Variants in CNTNAP5 observed in about 807,000 individuals in gnomAD.
CNTNAP5 encodes the protein contactin-associated protein-like 5.
In CNTNAP5, 72 loss-of-function variants were observed where a neutral mutation model predicts 150.2. That is an observed-to-expected ratio of 0.48 (90% confidence interval 0.40 to 0.58). CNTNAP5 has a LOEUF of 0.58. Among genes scored for constraint, CNTNAP5 ranks in the 20% least tolerant of loss-of-function variants. The pLI is 0.00. For missense variants in CNTNAP5, 1,636 were observed against 1,626.2 expected (o/e 1.01, Z -0.10); for synonymous variants, 672 against 619.8 (o/e 1.08, Z -1.25).
chr2:124,462,986 A>G (rs1036623799), intron 6 of CNTNAP5, among the ~76,000 whole-genome samples: 1 of 152,164 alleles, frequency 6.6e-6, no homozygotes, highest in Admixed American at 6.5e-5. Context: ...GAGGCAGGAA[A>G]CTGGGTGTTG....
intron 13 of CNTNAP5, among the ~76,000 whole-genome samples, chr2:124,729,459 A>T (rs1021717151): frequency 3.7e-4 from 57 of 152,184 alleles, no homozygotes; most frequent in African/African-American, 1.3e-3. Context: ...AATTTTTCTG[A>T]CTAGGTAAAA....
intron 1 of CNTNAP5, among the ~76,000 whole-genome samples, chr2:124,220,160 A>G (rs370857761): frequency 6.6e-6 from 1 of 152,020 alleles, no homozygotes; most frequent in Admixed American, 6.6e-5. Flanking sequence ...AAAAAAATAA[A>G]TCAAACCAAT....
chr2:124,128,300 C>T (rs1683762609), intron 1 of CNTNAP5, among the ~76,000 whole-genome samples: 1 of 152,212 alleles, frequency 6.6e-6, no homozygotes, highest in East Asian at 1.9e-4. Flanking sequence ...AGCCAACAGA[C>T]ACACGAAAAA....
At chr2:124,574,831 A>G (rs1696241469) in intron 11 of CNTNAP5, among the ~76,000 whole-genome samples, 1 of 152,236 alleles carries the variant, frequency 6.6e-6, no homozygotes. Flanking sequence ...TTCAGAGACA[A>G]AAGTCAGAAT....
chr2:124,829,224 G>A (rs943637200), intron 19 of CNTNAP5, among the ~76,000 whole-genome samples: 3 of 152,122 alleles, frequency 2.0e-5, no homozygotes, highest in Non-Finnish European at 2.9e-5. Context: ...ATGCTGGCAA[G>A]CTGAAAAGGG....
chr2:124,554,628 T>C (rs1438578803), intron 10 of CNTNAP5, among the ~76,000 whole-genome samples: 1 of 151,970 alleles, frequency 6.6e-6, no homozygotes, highest in Non-Finnish European at 1.5e-5. Flanking sequence ...CCATGTGTTG[T>C]CCAGACTTAT....
chr2:124,472,196 T>C (rs1693533722), intron 6 of CNTNAP5, among the ~76,000 whole-genome samples: 1 of 152,084 alleles, frequency 6.6e-6, no homozygotes, highest in African/African-American at 2.4e-5. Flanking sequence ...AGTAATATAA[T>C]TCAGCTCATC....
At chr2:124,084,026 A>G (rs1448031834) in intron 1 of CNTNAP5, among the ~76,000 whole-genome samples, 3 of 135,260 alleles carry the variant, frequency 2.2e-5, no homozygotes, top group Non-Finnish European at 4.7e-5. Context: ...GACACTGTGT[A>G]TCTGTCCATT....
At chr2:124,523,963 T>A (rs1178114907) in intron 8 of CNTNAP5, among the ~76,000 whole-genome samples, 1 of 81,246 alleles carries the variant, frequency 1.2e-5, no homozygotes, top group Non-Finnish European at 3.3e-5. Flanking sequence ...TTTATTTTTG[T>A]TTTTTTTTTT....
chr2:124,610,180 G>C (rs1677349774), intron 12 of CNTNAP5, among the ~76,000 whole-genome samples: 1 of 152,092 alleles, frequency 6.6e-6, no homozygotes. Flanking sequence ...GTTTTCTTTA[G>C]GGCCTCCAAG....
intron 3 of CNTNAP5, among the ~76,000 whole-genome samples, chr2:124,358,432 C>T (rs193258849): frequency 2.5e-3 from 381 of 152,268 alleles, no homozygotes; most frequent in African/African-American, 8.9e-3. Flanking sequence ...ATGATGTTGG[C>T]TGTGGGTGTG....
At chr2:124,873,904 A>T (rs1343781716) in intron 21 of CNTNAP5, among the ~76,000 whole-genome samples, 1 of 152,124 alleles carries the variant, frequency 6.6e-6, no homozygotes, top group Non-Finnish European at 1.5e-5. Flanking sequence ...GCAAAGCAAA[A>T]GCAAGTTTGT....
chr2:124,741,860 T>C (rs1353508491), intron 13 of CNTNAP5, among the ~76,000 whole-genome samples: 1 of 152,078 alleles, frequency 6.6e-6, no homozygotes, highest in Non-Finnish European at 1.5e-5. Context: ...ACACATACAT[T>C]CCCTCCCCAA....
intron 2 of CNTNAP5, among the ~76,000 whole-genome samples, chr2:124,222,736 T>G (rs1686356303): frequency 6.6e-6 from 1 of 151,942 alleles, no homozygotes. Context: ...GTGTTTTTTT[T>G]TTTTTTACAC....
intron 19 of CNTNAP5, among the ~76,000 whole-genome samples, chr2:124,856,775 A>T (rs1239924759): frequency 6.6e-6 from 1 of 152,182 alleles, no homozygotes; most frequent in Non-Finnish European, 1.5e-5. Context: ...CTACTTCAGG[A>T]GGAGTGTAGT....
At position 124,551,969 on chromosome 2, in the gene CNTNAP5, A is replaced by C. The variant is rs141922599; in HGVS notation, c.1650-11248A>C. Among the ~76,000 whole-genome samples the C allele has an allele frequency of 3.9e-5, 6 of 152,214 alleles. No individual in the cohort carries two copies. The South Asian group carries it at 6.2e-4, about 16-fold the overall frequency. On this transcript the variant is annotated intron_variant, in intron 10 of 23. Transcript: ENST00000682447. Reference sequence around the variant, plus strand: ...AAGAGGGGTAGGCATGTGTCTAAACAGTTCATATGTCTAAATAACTGCAAT... The same window carrying C: ...AAGAGGGGTAGGCATGTGTCTAAACCGTTCATATGTCTAAATAACTGCAAT...
chr2:124,562,070 G>T (rs1331505065), intron 10 of CNTNAP5, among the ~76,000 whole-genome samples: 1 of 152,048 alleles, frequency 6.6e-6, no homozygotes, highest in Non-Finnish European at 1.5e-5. Context: ...CAGTATAAGA[G>T]GTGCAAAGAA....
In CNTNAP5 at chr2:124,434,608, G is replaced by T. The variant is rs770428893; in HGVS notation, c.654G>T (p.Leu218=). ...AGAGCATGCAAGGAGATGGGGTCCT[G>T]TTCCATGGAGAAGGTCAGCGTGGAG... ...KFKSMQGDGV[L]FHGEGQRGDH... The change falls in exon 5 of 24, where the codon CTG becomes CTT. Residue 218 remains leucine, a synonymous_variant. Transcript: ENST00000682447. The T allele has an allele frequency of 2.7e-5, 44 of 1,613,940 alleles. 1 individual carries two copies. Among genetic ancestry groups the T allele is most frequent in the East Asian group, 2.2e-4 (10 of 44,870 alleles).
At chr2:124,082,328 A>G (rs1033927691) in intron 1 of CNTNAP5, among the ~76,000 whole-genome samples, 1 of 138,102 alleles carries the variant, frequency 7.2e-6, no homozygotes, top group Admixed American at 8.1e-5. Context: ...TAGCCTGGGC[A>G]ACAGAGTGAG....
Sources: gnomAD v4.1 joint callset for allele counts (sites outside exome capture counted in the v4.1 genomes callset) on GRCh38, gnomAD v4.1.1 for gene constraint, MANE v1.5 for transcripts, NCBI Gene and HGNC (gene_info 2026-07-23, HGNC 2026-07-21) for gene names.